ZNF177: variants seen among roughly 807,000 people sequenced by gnomAD.
ZNF177 encodes zinc finger protein 177.
Under a neutral mutation model 19.4 loss-of-function variants are expected in ZNF177, and 17 were observed. The ratio of observed to expected loss-of-function variants is 0.87; its 90% CI spans 0.60 to 1.31. The LOEUF is 1.31. Ranked by LOEUF, ZNF177 falls within the 40% of genes most tolerant of loss-of-function variation. The pLI is 0.00. For synonymous variants in ZNF177, 220 were observed against 188.7 expected, an observed-to-expected ratio of 1.17 and a Z score of -1.36; for missense variants, 633 against 561.8, an observed-to-expected ratio of 1.13 and a Z score of -1.28.
chr19:9,365,642 G>T (rs532816225), intron 2 of ZNF177, among the ~76,000 whole-genome samples: 2 of 152,110 alleles, frequency 1.3e-5, no homozygotes, highest in African/African-American at 4.8e-5. Flanking sequence ...TCAGGCAGGC[G>T]TCCCCGCATG....
At chr19:9,363,930 T>A (rs2067941790) in intron 1 of ZNF177, among the ~76,000 whole-genome samples, 1 of 152,226 alleles carries the variant, frequency 6.6e-6, no homozygotes, top group Non-Finnish European at 1.5e-5. Context: ...TTTCAGCTTG[T>A]CACTACTTAC....
At chr19:9,368,257 A>G (rs2068005222) in intron 2 of ZNF177, among the ~76,000 whole-genome samples, 1 of 152,162 alleles carries the variant, frequency 6.6e-6, no homozygotes, top group Admixed American at 6.5e-5. Context: ...CATTTTAATC[A>G]TTTTTAAATG....
At chr19:9,379,461 A>T in intron 3 of ZNF177, 66 bp from the exon 6 acceptor site, 1 of 1,547,718 alleles carries the variant, frequency 6.5e-7, no homozygotes, top group Non-Finnish European at 8.7e-7. Flanking sequence ...AAAGTATGGC[A>T]ATCAGTTTTG....
At chr19:9,366,742 T>C (rs2067985664) in intron 2 of ZNF177, among the ~76,000 whole-genome samples, 2 of 152,192 alleles carry the variant, frequency 1.3e-5, no homozygotes, top group South Asian at 4.1e-4. Flanking sequence ...CGAACTTTTA[T>C]GTTTAATCTT....
chr19:9,379,987 G>T (rs2068169153), intron 4 of ZNF177, 70 bp from the exon 7 acceptor site: 1 of 1,540,306 alleles, frequency 6.5e-7, no homozygotes, highest in Non-Finnish European at 8.8e-7. Context: ...AATCCATAGG[G>T]TCTCCCTCCC....
chr19:9,370,729 G>C (rs1378151218), intron 2 of ZNF177, among the ~76,000 whole-genome samples: 54 of 152,102 alleles, frequency 3.6e-4, no homozygotes, highest in Non-Finnish European at 4.4e-5. Flanking sequence ...GCCATAAATA[G>C]TTATGCTGTA....
exon 6 of ZNF177, chr19:9,381,058 C>T (rs1245225718): frequency 1.2e-6 from 2 of 1,606,820 alleles, no homozygotes; most frequent in Non-Finnish European, 1.7e-6. Flanking sequence ...AATATCTCCC[C>T]TTAGTGTCCA....
chr19:9,379,498 T>C (rs373322939), intron 3 of ZNF177, 29 bp from the exon 6 acceptor site: 8 of 1,605,112 alleles, frequency 5.0e-6, no homozygotes, highest in South Asian at 4.5e-5. Flanking sequence ...CACACATTTC[T>C]CCCACATCCT....
intron 2 of ZNF177, among the ~76,000 whole-genome samples, chr19:9,370,716 C>T (rs1025831524): frequency 5.3e-5 from 8 of 152,198 alleles, no homozygotes; most frequent in South Asian, 2.1e-4. Flanking sequence ...GCCACTGTGC[C>T]GGGCCATAAA....
upstream of ZNF177, among the ~76,000 whole-genome samples, chr19:9,373,100 C>T (rs911966283): frequency 1.6e-4 from 25 of 152,172 alleles, no homozygotes; most frequent in African/African-American, 5.6e-4. Context: ...GTCTCCAAAA[C>T]TCAGCCATCT....
intron 1 of ZNF177, 145 bp from the exon 4 acceptor site, chr19:9,378,114 T>C: frequency 1.6e-6 from 1 of 633,060 alleles, no homozygotes; most frequent in Non-Finnish European, 2.5e-6. Context: ...AATTTGAGGA[T>C]ATACTGTGTT....
In ZNF177 at chr19:9,367,464, A is replaced by G. The variant is rs142545234; in HGVS notation, c.-305+2516A>G. 1.5e-3 allele frequency among the ~76,000 whole-genome samples: 229 copies of G among 152,312 alleles called. 2 individuals are homozygous for G. The highest frequency in any genetic ancestry group is 3.1e-3 in the South Asian group (15 of 4,830). ...ATACAATTTTTCTTTTGCTCTATTA[A>G]TGAAGCAAATTATATTGATTTTCTA... is the stretch of plus-strand genomic sequence containing the variant. On this transcript the variant is annotated intron_variant, in intron 2 of 8. Transcript: ENST00000343499.
exon 6 of ZNF177, chr19:9,381,590 G>A (rs756862307): frequency 6.2e-6 from 10 of 1,614,174 alleles, no homozygotes; most frequent in Non-Finnish European, 8.5e-6. Flanking sequence ...ACTCACACTG[G>A]TGAGAAAACC....
intron 2 of ZNF177, among the ~76,000 whole-genome samples, chr19:9,367,190 C>T (rs1014918116): frequency 4.6e-5 from 7 of 152,118 alleles, no homozygotes; most frequent in African/African-American, 7.2e-5. Context: ...TGTGGTGGCA[C>T]GCGTCTGTAG....
upstream of ZNF177, chr19:9,376,205 C>T (rs1225581222): frequency 2.0e-5 from 3 of 152,068 alleles, no homozygotes; most frequent in Non-Finnish European, 4.4e-5. Flanking sequence ...CATGATCATA[C>T]TCCCACTACT....
At chr19:9,382,096 CTGACTGA>C in exon 6 of ZNF177, 1 of 340,438 alleles carries the variant, frequency 2.9e-6, no homozygotes, top group Non-Finnish European at 5.5e-6. Context: ...TTGCTGGACA[CTGACTGA>C]TGTACTGTGG....
chr19:9,381,415 C>T (rs2068199310), exon 6 of ZNF177: 2 of 1,613,954 alleles, frequency 1.2e-6, no homozygotes, highest in Non-Finnish European at 1.7e-6. Flanking sequence ...TGTGAGAACC[C>T]ACACTGGAGA....
intron 1 of ZNF177, among the ~76,000 whole-genome samples, chr19:9,364,481 A>G (rs568153291): frequency 6.6e-6 from 1 of 152,260 alleles, no homozygotes; most frequent in South Asian, 2.1e-4. Context: ...CAAGGGAATT[A>G]GTGGAATAAC....
chr19:9,378,962 A>T lies in ZNF177; in HGVS notation c.34A>T (p.Asn12Tyr), dbSNP rs2068149968. ...CCAGAATATGTATGTGATGTTTTAG[A>T]ACTCAGTAACCTTCCAGGAAGTGGC... The change falls in exon 3 of 6, where the codon AAC becomes TAC. Residue 12 changes from asparagine (N) to tyrosine (Y), a missense_variant and splice_region_variant. Coordinates refer to ENST00000589262, the Ensembl canonical transcript of ZNF177. The T allele has an allele frequency of 1.9e-6, 3 of 1,604,494 alleles. No individual in the cohort carries two copies. The South Asian group carries it at 3.3e-5, about 18-fold the overall frequency.
Sources: allele counts gnomAD v4.1 joint callset (sites outside exome capture counted in the v4.1 genomes callset), GRCh38; gene constraint gnomAD v4.1.1; transcripts MANE v1.5; gene names NCBI Gene and HGNC (gene_info 2026-07-23, HGNC 2026-07-21).